RELN: variants seen among roughly 807,000 people sequenced by gnomAD.
RELN encodes reelin.
In RELN, 108 loss-of-function variants were observed where a neutral mutation model predicts 427.6. The observed-to-expected ratio is 0.25, with a 90% CI of 0.22 to 0.30. The LOEUF is 0.30. Among genes scored for constraint, RELN ranks in the 10% least tolerant of loss-of-function variants. The probability of loss-of-function intolerance (pLI) is 1.00; values close to 1 mark genes in which losing one functional copy is unlikely to be tolerated. For synonymous variants in RELN, 1,524 were observed against 1,513.4 expected (o/e 1.01, Z -0.16); for missense variants, 3,715 against 4,302.8 (o/e 0.86, Z 3.82).
At chr7:103,634,148 C>T (rs752259610) in intron 19 of RELN, among the ~76,000 whole-genome samples, 1 of 152,012 alleles carries the variant, frequency 6.6e-6, no homozygotes, top group Non-Finnish European at 1.5e-5. Flanking sequence ...AAAATATATC[C>T]TCAGTCCCCT....
intron 1 of RELN, among the ~76,000 whole-genome samples, chr7:103,967,646 C>T (rs933783839): frequency 1.5e-4 from 23 of 152,230 alleles, no homozygotes; most frequent in Admixed American, 6.5e-5. Flanking sequence ...CATCCTCAGA[C>T]AGAACCTGCC....
intron 4 of RELN, among the ~76,000 whole-genome samples, chr7:103,773,450 G>T (rs1168141646): frequency 1.1e-3 from 77 of 70,352 alleles, no homozygotes; most frequent in East Asian, 1.3e-3. Context: ...TCTCTCCCTC[G>T]CTCCCTCCCT....
chr7:103,919,521 G>A (rs753329447), intron 1 of RELN, among the ~76,000 whole-genome samples: 14 of 152,046 alleles, frequency 9.2e-5, no homozygotes, highest in Non-Finnish European at 1.9e-4. Context: ...ATCTGCCCAA[G>A]TTTCCTGTGA....
At chr7:103,677,473 T>C (rs1415460360) in intron 11 of RELN, among the ~76,000 whole-genome samples, 2 of 146,846 alleles carry the variant, frequency 1.4e-5, no homozygotes, top group African/African-American at 2.5e-5. Context: ...ACAACAGTTG[T>C]TCTTAGTGAG....
intron 1 of RELN, among the ~76,000 whole-genome samples, chr7:103,982,147 C>G (rs558990262): frequency 6.6e-6 from 1 of 152,088 alleles, no homozygotes; most frequent in Non-Finnish European, 1.5e-5. Context: ...GCCTGGGCGA[C>G]ACTGAGACTC....
chr7:103,940,379 C>A (rs1017919362), intron 1 of RELN, among the ~76,000 whole-genome samples: 1 of 152,188 alleles, frequency 6.6e-6, no homozygotes, highest in Non-Finnish European at 1.5e-5. Context: ...TGAATACATA[C>A]AACAGTTATG....
intron 1 of RELN, among the ~76,000 whole-genome samples, chr7:103,947,481 G>A (rs534842818): frequency 4.6e-5 from 7 of 152,262 alleles, no homozygotes; most frequent in Admixed American, 1.3e-4. Flanking sequence ...AATGCAATAT[G>A]AAGAAACATA....
chr7:103,780,219 C>T (rs2090290359), intron 3 of RELN, among the ~76,000 whole-genome samples: 1 of 152,184 alleles, frequency 6.6e-6, no homozygotes, highest in Non-Finnish European at 1.5e-5. Flanking sequence ...CCCCTTCTCC[C>T]ACAGTGTTCT....
intron 2 of RELN, among the ~76,000 whole-genome samples, chr7:103,890,001 G>C (rs1405199306): frequency 6.6e-6 from 1 of 151,952 alleles, no homozygotes; most frequent in Admixed American, 6.6e-5. Flanking sequence ...TCTTTTTTCA[G>C]TTCTGTGAAC....
chr7:103,798,998 T>G (rs1252167990), intron 3 of RELN, among the ~76,000 whole-genome samples: 1 of 152,096 alleles, frequency 6.6e-6, no homozygotes, highest in African/African-American at 2.4e-5. Flanking sequence ...GTAGCATCAG[T>G]TTCTCAAGCA....
intron 27 of RELN, among the ~76,000 whole-genome samples, chr7:103,591,423 A>T (rs1831413476): frequency 6.6e-6 from 1 of 152,196 alleles, no homozygotes; most frequent in African/African-American, 2.4e-5. Flanking sequence ...TAAAAAGAAG[A>T]TTTAGTATCT....
chr7:103,935,538 TC>T (rs1227413425), intron 1 of RELN, among the ~76,000 whole-genome samples: 17 of 152,172 alleles, frequency 1.1e-4, no homozygotes. Context: ...CCTCTTCCAC[TC>T]CTATTCTATT....
chr7:103,594,607 A>C, intron 25 of RELN, 115 bp from the exon 26 acceptor site: 90 of 1,123,594 alleles, frequency 8.0e-5, no homozygotes, highest in Middle Eastern at 2.8e-4. Context: ...GTTTGATCTC[A>C]ATATTTTCCA....
chr7:103,489,725 C>T lies in RELN; in HGVS notation c.9763+17G>A. 1 of 1,613,504 alleles carries T rather than the reference C, an allele frequency of 6.2e-7. No individual in the cohort carries two copies. The highest frequency in any genetic ancestry group is 1.1e-5 in the South Asian group (1 of 90,868). On this transcript the variant is annotated intron_variant, in intron 60 of 64. Coordinates refer to ENST00000428762, the MANE Select transcript of RELN (RefSeq NM_005045.4). ...TCTTGGTCTCCTCTATCAAAGTTGGCAGCCTGGGATTCAGACCTTGGAAGC... is the reference window on the plus strand; with the variant it reads ...TCTTGGTCTCCTCTATCAAAGTTGGTAGCCTGGGATTCAGACCTTGGAAGC...
intron 4 of RELN, among the ~76,000 whole-genome samples, chr7:103,763,087 G>A (rs1280626898): frequency 6.6e-6 from 1 of 152,190 alleles, no homozygotes; most frequent in East Asian, 1.9e-4. Flanking sequence ...AGTTTCTTCT[G>A]TAGTTTCTCA....
intron 4 of RELN, among the ~76,000 whole-genome samples, chr7:103,759,291 T>G (rs1791237556): frequency 6.6e-6 from 1 of 152,150 alleles, no homozygotes; most frequent in Admixed American, 6.5e-5. Context: ...GGTGAATGAT[T>G]ACGTGGAACA....
chr7:103,866,716 G>A (rs569685468), intron 2 of RELN, among the ~76,000 whole-genome samples: 83 of 152,032 alleles, frequency 5.5e-4, no homozygotes, highest in African/African-American at 1.9e-3. Context: ...ACTAATTACT[G>A]TACCATTGTG....
chr7:103,530,907 T>C (rs1028054312), intron 46 of RELN, among the ~76,000 whole-genome samples: 7 of 152,190 alleles, frequency 4.6e-5, no homozygotes, highest in Non-Finnish European at 5.9e-5. Flanking sequence ...AGTGGTTTCT[T>C]GGGTATATGT....
chr7:103,970,966 G>T (rs1796751712), intron 1 of RELN, among the ~76,000 whole-genome samples: 1 of 152,060 alleles, frequency 6.6e-6, no homozygotes, highest in African/African-American at 2.4e-5. Context: ...GACCAGCCTG[G>T]CCAGCGTGGC....
Sources: gnomAD v4.1 joint callset for allele counts (sites outside exome capture counted in the v4.1 genomes callset) on GRCh38, gnomAD v4.1.1 for gene constraint, MANE v1.5 for transcripts, NCBI Gene and HGNC (gene_info 2026-07-23, HGNC 2026-07-21) for gene names.